Variants in IFFO2 observed in about 807,000 individuals in gnomAD.
IFFO2 encodes intermediate filament family orphan 2.
Under a neutral mutation model 53.5 loss-of-function variants are expected in IFFO2, and 19 were observed. The ratio of observed to expected loss-of-function variants is 0.36; its 90% CI spans 0.25 to 0.52. The LOEUF is 0.52. IFFO2 is among the 20% of genes least tolerant of loss of function. The pLI is 0.94. For missense variants in IFFO2, 570 were observed against 727.4 expected (o/e 0.78, Z 2.49); for synonymous variants, 303 against 313.6 (o/e 0.97, Z 0.36).
chr1:18,931,069 G>T (rs934294756), intron 1 of IFFO2, among the ~76,000 whole-genome samples: 5 of 152,184 alleles, frequency 3.3e-5, no homozygotes, highest in Non-Finnish European at 7.3e-5. Flanking sequence ...CTACTTGGGA[G>T]GCTGAGGTTG....
At chr1:18,932,180 T>A (rs1324574743) in intron 1 of IFFO2, among the ~76,000 whole-genome samples, 2 of 151,966 alleles carry the variant, frequency 1.3e-5, no homozygotes, top group Non-Finnish European at 2.9e-5. Context: ...ATCATAAAGA[T>A]CCCCCCTGCC....
At chr1:18,937,274 G>A (rs141593197) in intron 1 of IFFO2, among the ~76,000 whole-genome samples, 53 of 152,348 alleles carry the variant, frequency 3.5e-4, no homozygotes, top group Non-Finnish European at 6.9e-4. Context: ...GTGCAGAGCC[G>A]TCATGGTCCT....
At chr1:18,930,420 C>T (rs1388535785) in intron 1 of IFFO2, among the ~76,000 whole-genome samples, 1 of 152,188 alleles carries the variant, frequency 6.6e-6, no homozygotes, top group Non-Finnish European at 1.5e-5. Context: ...GAGCTAGATG[C>T]CGCCTTCACC....
chr1:18,912,222 A>AG, intron 5 of IFFO2, 139 bp from the exon 6 acceptor site: 1 of 955,054 alleles, frequency 1.0e-6, no homozygotes, highest in Non-Finnish European at 1.5e-6. Flanking sequence ...AGTAAGCCAA[A>AG]GGGGACATTC....
chr1:18,955,526 C>A, intron 1 of IFFO2, 142 bp downstream of exon 1: 1 of 1,284,096 alleles, frequency 7.8e-7, no homozygotes, highest in South Asian at 1.6e-5. Context: ...TCCTGGCGTA[C>A]GTAAGACGCT....
chr1:18,919,436 G>A lies in IFFO2; in HGVS notation c.822+242C>T, dbSNP rs552633112. ...ATCAGGGGAGCCCGGGGGAGGGCGGGATAGGTTAAGCGGCAGATTAATGCA... is the reference window on the plus strand; with the variant it reads ...ATCAGGGGAGCCCGGGGGAGGGCGGAATAGGTTAAGCGGCAGATTAATGCA... On this transcript the variant is annotated intron_variant, in intron 3 of 8. Coordinates refer to ENST00000455833, the MANE Select transcript of IFFO2 (RefSeq NM_001136265.2). The surrounding 1 kb of genome is among the most constrained non-coding windows in gnomAD (Gnocchi z 4.9). Among the ~76,000 whole-genome samples, 9 of 147,952 alleles carry A rather than the reference G, an allele frequency of 6.1e-5. 1 individual carries two copies. In the South Asian group the frequency reaches 2.1e-3, roughly 34 times the overall value.
In IFFO2 at chr1:18,917,403, C is replaced by A. The variant is rs1451015283; in HGVS notation, c.964-361G>T. 2.6e-5 allele frequency among the ~76,000 whole-genome samples: 4 copies of A among 152,110 alleles called. No homozygotes were observed. Among genetic ancestry groups the A allele is most frequent in the Non-Finnish European group, 2.9e-5 (2 of 68,014 alleles). ...CAGAGCCAGCCAGAGAGATGGAGAA[C>A]CCCTGACAAAGGCTATACGGCCCCA... On this transcript the variant is annotated intron_variant, in intron 4 of 8. Coordinates refer to ENST00000455833, the MANE Select transcript of IFFO2 (RefSeq NM_001136265.2). This position sits in a 1 kb window ranked among gnomAD's most constrained non-coding sequence, Gnocchi z 5.9.
At position 18,918,544 on chromosome 1, in the gene IFFO2, G is replaced by A; in HGVS notation, c.823-42C>T. On this transcript the variant is annotated intron_variant, in intron 3 of 8. Coordinates refer to ENST00000455833, the MANE Select transcript of IFFO2 (RefSeq NM_001136265.2). The surrounding 1 kb of genome is among the most constrained non-coding windows in gnomAD (Gnocchi z 5.2). ...AGGGTTTACATGAGCGAGGGATGGA[G>A]CAAGCCTGGGGGGCTTGGCAGAGAG... is the stretch of plus-strand genomic sequence containing the variant. 6.5e-7 allele frequency: 1 copy of A among 1,547,998 alleles called. No individual in the cohort carries two copies. The highest frequency in any genetic ancestry group is 1.2e-5 in the South Asian group (1 of 83,924).
intron 1 of IFFO2, among the ~76,000 whole-genome samples, chr1:18,950,951 G>A (rs1325088494): frequency 6.6e-6 from 1 of 152,206 alleles, no homozygotes; most frequent in African/African-American, 2.4e-5. Context: ...AAGGTGGAAA[G>A]AACATAACAA....
chr1:18,948,351 A>G (rs1936616578), intron 1 of IFFO2, among the ~76,000 whole-genome samples: 1 of 152,242 alleles, frequency 6.6e-6, no homozygotes, highest in Non-Finnish European at 1.5e-5. Context: ...GAGAGAACGT[A>G]GTCTTCATAG....
In IFFO2 at chr1:18,917,155, C is replaced by T. The variant is rs545259958; in HGVS notation, c.964-113G>A. ...ACAGGATGATGAGCGTGACTGGGGC[C>T]GGCCAGTGCCAGGAAAGGTGCAGGT... On this transcript the variant is annotated intron_variant, in intron 4 of 8. Transcript: ENST00000455833. This position sits in a 1 kb window ranked among gnomAD's most constrained non-coding sequence, Gnocchi z 5.9. The T allele has an allele frequency of 9.0e-6, 11 of 1,223,098 alleles. No individual in the cohort carries two copies. The highest frequency in any genetic ancestry group is 1.5e-5 in the South Asian group (1 of 67,622). The allele number at this position is 1,223,098 out of a possible 1,614,324, so 75.8% of individuals were successfully genotyped here.
intron 1 of IFFO2, 27 bp downstream of exon 1, chr1:18,955,641 G>C (rs1217545443): frequency 6.5e-7 from 1 of 1,539,326 alleles, no homozygotes. Context: ...CCCGTCCCAG[G>C]GCGGCGGGGG....
At chr1:18,948,299 G>A (rs1433054995) in intron 1 of IFFO2, among the ~76,000 whole-genome samples, 1 of 152,248 alleles carries the variant, frequency 6.6e-6, no homozygotes, top group Non-Finnish European at 1.5e-5. Context: ...AAACTGAGGT[G>A]CAAGAGATTA....
At chr1:18,912,186 AG>A in intron 5 of IFFO2, 103 bp from the exon 6 acceptor site, 2 of 1,418,916 alleles carry the variant, frequency 1.4e-6, no homozygotes, top group African/African-American at 1.4e-5. Context: ...CACAGCTTCA[AG>A]GCTGTCCTCA....
intron 1 of IFFO2, among the ~76,000 whole-genome samples, chr1:18,943,311 T>C (rs927349927): frequency 1.3e-5 from 2 of 152,004 alleles, no homozygotes; most frequent in Non-Finnish European, 2.9e-5. Context: ...CCTAAGGAGT[T>C]GAAGGATGCA....
Position 18,908,535 on chromosome 1 carries a change from C to T in IFFO2, c.*26G>A. ...AGGTGGCAGGGCCCCATCACCAAGA[C>T]CACCAGGCTCGCAGGGCCTCAGTCA... On this transcript the variant is annotated 3_prime_UTR_variant, in exon 9 of 9. Coordinates refer to ENST00000455833, the MANE Select transcript of IFFO2 (RefSeq NM_001136265.2). 6.6e-7 allele frequency: 1 copy of T among 1,521,920 alleles called. No individual in the cohort carries two copies. Among genetic ancestry groups the T allele is most frequent in the Middle Eastern group, 1.7e-4 (1 of 5,936 alleles). 94.3% of individuals were successfully genotyped at this position (1,521,920 alleles called of 1,614,324 possible).
intron 1 of IFFO2, among the ~76,000 whole-genome samples, chr1:18,932,022 T>C (rs1406028065): frequency 1.1e-4 from 17 of 152,186 alleles, no homozygotes; most frequent in Non-Finnish European, 2.9e-5. Context: ...CCACCTCCAC[T>C]GCCAAGGCAA....
Position 18,955,739 on chromosome 1 carries a change from G to C in IFFO2, c.594C>G (p.Ile198Met), listed in dbSNP as rs1295440001. Residue 198 changes from isoleucine to methionine, a missense_variant, in exon 1 of 9, where the codon ATC becomes ATG. Transcript: ENST00000455833. ...TGTAGAGCGCGCGGATCTCCGGCGTGATGGTGTCGATCTGCACGCCCACGC... is the reference window on the plus strand; with the variant it reads ...TGTAGAGCGCGCGGATCTCCGGCGTCATGGTGTCGATCTGCACGCCCACGC... The part of the protein sequence containing the change: ...PDGVGVQIDT[I>M]TPEIRALYNV... The C allele has an allele frequency of 1.3e-6, 2 of 1,587,442 alleles. No homozygotes were observed. The highest frequency in any genetic ancestry group is 2.3e-5 in the South Asian group (2 of 88,238).
intron 2 of IFFO2, among the ~76,000 whole-genome samples, chr1:18,920,321 G>A (rs189309742): frequency 1.2e-4 from 19 of 152,300 alleles, no homozygotes; most frequent in African/African-American, 4.3e-4. Context: ...TAAAAGAAAG[G>A]GAGATATTCA....
Sources: allele counts gnomAD v4.1 joint callset (sites outside exome capture counted in the v4.1 genomes callset), GRCh38; gene constraint gnomAD v4.1.1; non-coding constraint Gnocchi (gnomAD v3.1); transcripts MANE v1.5; gene names NCBI Gene and HGNC (gene_info 2026-07-23, HGNC 2026-07-21).